Variants in SCNN1A observed in about 807,000 individuals in gnomAD.
The protein encoded by SCNN1A is sodium channel epithelial 1 subunit alpha.
SCNN1A carries 65 observed loss-of-function variants against 68.6 expected under a neutral mutation model. That is an observed-to-expected ratio of 0.95 (90% CI 0.78 to 1.16). The LOEUF (loss-of-function observed/expected upper bound fraction) is 1.16, where lower values mean the gene tolerates loss of function less well. SCNN1A is among the 50% of genes most tolerant of loss of function. The pLI is 0.00. For missense variants in SCNN1A, 880 were observed against 865.9 expected (o/e 1.02, Z -0.20); for synonymous variants, 357 against 353.3 (o/e 1.01, Z -0.12).
At chr12:6,362,985 G>T (rs901911337) in intron 3 of SCNN1A, among the ~76,000 whole-genome samples, 1 of 280 alleles carries the variant, frequency 3.6e-3, no homozygotes, top group Admixed American at 0.023. Context: ...CCCCAGCTAA[G>T]TTTCCTTTTT....
intron 2 of SCNN1A, among the ~76,000 whole-genome samples, chr12:6,365,811 T>G (rs1296588249): frequency 6.6e-6 from 1 of 152,220 alleles, no homozygotes; most frequent in African/African-American, 2.4e-5. Flanking sequence ...AAGAAAAATA[T>G]CTAACAAATA....
At chr12:6,368,331 G>A (rs1263890013) in intron 2 of SCNN1A, among the ~76,000 whole-genome samples, 2 of 152,140 alleles carry the variant, frequency 1.3e-5, no homozygotes, top group Non-Finnish European at 2.9e-5. Context: ...AGAAACACCC[G>A]GATTGGTTAC....
At chr12:6,360,919 G>T (rs769904849) in intron 4 of SCNN1A, among the ~76,000 whole-genome samples, 2 of 152,180 alleles carry the variant, frequency 1.3e-5, no homozygotes, top group Non-Finnish European at 2.9e-5. Flanking sequence ...CTTAGCCAGG[G>T]CCGGCCCATT....
chr12:6,348,649 C>T (rs1401357473), intron 12 of SCNN1A, 78 bp downstream of exon 12: 1 of 1,254,170 alleles, frequency 8.0e-7, no homozygotes, highest in Non-Finnish European at 1.2e-6. Flanking sequence ...ACAGAGACAA[C>T]CTTTTGGTTT....
At position 6,354,419 on chromosome 12, in the gene SCNN1A, G is replaced by A; in HGVS notation, c.1360+19C>T. On this transcript the variant is annotated intron_variant, in intron 8 of 12. Coordinates refer to ENST00000228916, the MANE Select transcript of SCNN1A (RefSeq NM_001038.6). ...TACTGGGGTCAGTGGGGCAGGGTGG[G>A]GGCTCCCTGGAGTCTCACCCCAGGA... 1 of 1,545,680 alleles carries A rather than the reference G, an allele frequency of 6.5e-7. No homozygotes were observed. The highest frequency in any genetic ancestry group is 8.9e-7 in the Non-Finnish European group (1 of 1,119,376).
intron 2 of SCNN1A, among the ~76,000 whole-genome samples, chr12:6,367,588 A>G (rs1024006771): frequency 6.6e-6 from 1 of 152,248 alleles, no homozygotes; most frequent in African/African-American, 2.4e-5. Context: ...ACCAGTTGAT[A>G]GAGATAGCAT....
In SCNN1A at chr12:6,348,198, G is replaced by A. The variant is rs137852635; in HGVS notation, c.1685C>T (p.Ser562Leu). 6 of 1,614,118 alleles carry A rather than the reference G, an allele frequency of 3.7e-6. No homozygotes were observed. In the Admixed American group the frequency reaches 5.0e-5, roughly 13 times the overall value. Residue 562 changes from serine (S) to leucine (L), a missense_variant, in exon 13 of 13, where the codon TCG becomes TTG. Ser to Leu is a moderately radical substitution (Grantham distance 145). Coordinates refer to ENST00000228916, the MANE Select transcript of SCNN1A (RefSeq NM_001038.6). ...GSQWSLWFGS[S>L]VLSVVEMAEL... ...AGCCATCTCCACCACAGACAACACC[G>A]AGGAGCCGAACCACAGGCTCCACTG...
intron 4 of SCNN1A, among the ~76,000 whole-genome samples, chr12:6,358,638 G>A (rs1472755706): frequency 2.0e-5 from 3 of 152,000 alleles, no homozygotes; most frequent in East Asian, 1.9e-4. Flanking sequence ...GCAGGAGGAT[G>A]GCTTGAGCTC....
chr12:6,348,299 T>G (rs888002057), intron 12 of SCNN1A, 46 bp from the exon 13 acceptor site: 2 of 1,612,922 alleles, frequency 1.2e-6, no homozygotes, highest in Admixed American at 1.7e-5. Flanking sequence ...GGGTTCTGGA[T>G]GGACTCTGGC....
chr12:6,367,112 C>G (rs920726626), intron 2 of SCNN1A, among the ~76,000 whole-genome samples: 6 of 152,088 alleles, frequency 3.9e-5, no homozygotes, highest in African/African-American at 4.8e-5. Context: ...GTGGTGCACA[C>G]CTGTAGTCCC....
intron 5 of SCNN1A, 117 bp downstream of exon 5, chr12:6,355,660 A>G: frequency 1.1e-6 from 1 of 917,338 alleles, no homozygotes; most frequent in Admixed American, 1.7e-5. Flanking sequence ...TGTGGCACCT[A>G]TTGGGGAGAG....
chr12:6,365,969 C>T (rs1231290166), intron 2 of SCNN1A, among the ~76,000 whole-genome samples: 1 of 147,840 alleles, frequency 6.8e-6, no homozygotes, highest in Non-Finnish European at 1.5e-5. Context: ...ATTCTCCTGC[C>T]TCAGCCTCCC....
In SCNN1A at chr12:6,362,231, T is replaced by C. The variant is rs765128439; in HGVS notation, c.695A>G (p.Asn232Ser). 7 of 1,614,158 alleles carry C rather than the reference T, an allele frequency of 4.3e-6. No individual in the cohort carries two copies. In the East Asian group the frequency reaches 1.6e-4, roughly 36 times the overall value. ...WKIGFQLCNQ[N>S]KSDCFYQTYS... Reference sequence around the variant, plus strand: ...TGTCTGGTAGAAGCAGTCCGATTTGTTCTGGTTGCACTGGACACAGAGACT... The same window carrying C: ...TGTCTGGTAGAAGCAGTCCGATTTGCTCTGGTTGCACTGGACACAGAGACT... The change falls in exon 4 of 13, where the codon AAC becomes AGC. Residue 232 changes from asparagine to serine, a missense_variant. This residue lies in a region of SCNN1A where 758 missense variants were observed against 721.8 expected (regional missense o/e 1.05). Transcript: ENST00000228916.
upstream of SCNN1A, chr12:6,376,202 G>A: frequency 1.0e-6 from 1 of 984,974 alleles, no homozygotes; most frequent in Non-Finnish European, 1.2e-6. Flanking sequence ...CACTCAGGTG[G>A]GATGCGTCTG....
intron 8 of SCNN1A, chr12:6,349,827 T>C (rs72657567): frequency 0.014 from 2,642 of 195,002 alleles, 75 homozygotes; most frequent in African/African-American, 0.057. Context: ...CCCGGGTTCA[T>C]ACCATTCTCC....
intron 2 of SCNN1A, 182 bp from the exon 3 acceptor site, chr12:6,363,892 G>C: frequency 4.1e-6 from 2 of 490,782 alleles, no homozygotes; most frequent in South Asian, 7.5e-5. Context: ...AGGTGTGTCC[G>C]CCGGGAAGGC....
At chr12:6,371,433 G>A (rs1437606847) in intron 2 of SCNN1A, among the ~76,000 whole-genome samples, 3 of 151,388 alleles carry the variant, frequency 2.0e-5, no homozygotes, top group African/African-American at 4.9e-5. Flanking sequence ...TACTTAAAGT[G>A]TAATGGGTAA....
At chr12:6,371,021 C>T (rs1948779262) in intron 2 of SCNN1A, among the ~76,000 whole-genome samples, 1 of 152,196 alleles carries the variant, frequency 6.6e-6, no homozygotes, top group African/African-American at 2.4e-5. Flanking sequence ...GCCAACCCTT[C>T]CCTTCGGACT....
chr12:6,364,586 T>G (rs906331422), intron 2 of SCNN1A, among the ~76,000 whole-genome samples: 1 of 151,590 alleles, frequency 6.6e-6, no homozygotes, highest in African/African-American at 2.4e-5. Flanking sequence ...AAACCCCGTC[T>G]TTACTAAAAA....
Sources: allele counts gnomAD v4.1 joint callset (sites outside exome capture counted in the v4.1 genomes callset), GRCh38; gene constraint gnomAD v4.1.1; regional missense constraint gnomAD v4.1.1; transcripts MANE v1.5; gene names NCBI Gene and HGNC (gene_info 2026-07-23, HGNC 2026-07-21).